FANCI: variants seen among roughly 807,000 people sequenced by gnomAD.
FANCI encodes FA complementation group I.
In FANCI, 156 loss-of-function variants were observed where a neutral mutation model predicts 176.1. The ratio of observed to expected loss-of-function variants is 0.89; its 90% CI spans 0.78 to 1.01. The LOEUF is 1.01. Among genes scored for constraint, FANCI ranks in the 50% least tolerant of loss-of-function variants. The pLI is 0.00. For synonymous variants in FANCI, 613 were observed against 541.7 expected (o/e 1.13, Z -1.83); for missense variants, 1,678 against 1,534.1 (o/e 1.09, Z -1.57).
chr15:89,267,648 T>C (rs1393887451), intron 9 of FANCI, among the ~76,000 whole-genome samples: 8 of 151,944 alleles, frequency 5.3e-5, no homozygotes, highest in Non-Finnish European at 2.9e-5. Context: ...AAGCAGAGTC[T>C]GGGCACAGTG....
chr15:89,266,766 C>G (rs551642787), intron 9 of FANCI, among the ~76,000 whole-genome samples: 37 of 152,296 alleles, frequency 2.4e-4, no homozygotes, highest in Admixed American at 1.6e-3. Context: ...AGCTGCCACA[C>G]CCAGCAGAGA....
chr15:89,301,527 C>G (rs1000493749), intron 27 of FANCI, 85 bp downstream of exon 27: 1 of 946,514 alleles, frequency 1.1e-6, no homozygotes, highest in Admixed American at 1.7e-5. Context: ...TCTAAATGTC[C>G]TCTTGAAATT....
intron 34 of FANCI, among the ~76,000 whole-genome samples, chr15:89,312,665 C>A (rs546501423): frequency 6.6e-6 from 1 of 152,174 alleles, no homozygotes; most frequent in Admixed American, 6.5e-5. Context: ...ACTAAAAATA[C>A]AAAAATTAGC....
intron 3 of FANCI, among the ~76,000 whole-genome samples, chr15:89,260,073 G>A (rs2151241408): frequency 6.6e-6 from 1 of 152,044 alleles, no homozygotes; most frequent in East Asian, 1.9e-4. Context: ...CAATGTGGCT[G>A]GATTAGGATG....
At position 89,307,652 on chromosome 15, in the gene FANCI, T is replaced by G; in HGVS notation, c.3631T>G (p.Ser1211Ala). 6.2e-7 allele frequency: 1 copy of G among 1,614,186 alleles called. No homozygotes were observed. Among genetic ancestry groups the G allele is most frequent in the Non-Finnish European group, 8.5e-7 (1 of 1,180,024 alleles). ...SGSHLTPLCY[S>A]FISYVQNKSK... ...TTCTCATCTGACCCCCCTGTGTTAT[T>G]CTTTCATTTCTTACGTACAGGTAAG... The change falls in exon 34 of 38, where the codon TCT (serine) becomes GCT (alanine). Residue 1211 changes from serine (S) to alanine (A), a missense_variant. This residue lies in a region of FANCI where 1,204 missense variants were observed against 1,077.4 expected (regional missense o/e 1.12). Coordinates refer to ENST00000310775, the MANE Select transcript of FANCI (RefSeq NM_001113378.2).
chr15:89,297,688 C>T (rs894617204), intron 24 of FANCI, among the ~76,000 whole-genome samples: 5 of 146,150 alleles, frequency 3.4e-5, no homozygotes, highest in East Asian at 4.1e-4. Context: ...TGCAGTGAGC[C>T]GAGATGGCAG....
Position 89,281,805 on chromosome 15 carries a change from T to C in FANCI, c.1553T>C (p.Ile518Thr), listed in dbSNP as rs1454777611. 1 of 1,613,946 alleles carries C rather than the reference T, an allele frequency of 6.2e-7. No homozygotes were observed. Among genetic ancestry groups the C allele is most frequent in the Non-Finnish European group, 8.5e-7 (1 of 1,179,916 alleles). The change falls in exon 16 of 38, where the codon ATA (isoleucine) becomes ACA (threonine). Residue 518 changes from isoleucine (I) to threonine (T), a missense_variant. Ile to Thr is a moderately conservative substitution (Grantham distance 89). Transcript: ENST00000310775. ...KVSMSMRDCL[I>T]LVLRKAMFAN... is the part of the protein sequence containing the mutation. ...AGCATGTCAATGAGAGACTGCTTGA[T>C]ACTTGTCCTTCGGAAAGCTATGTTT...
intron 34 of FANCI, among the ~76,000 whole-genome samples, chr15:89,311,558 C>A (rs796837742): frequency 1.3e-5 from 2 of 152,318 alleles, no homozygotes; most frequent in African/African-American, 4.8e-5. Flanking sequence ...TGGTTCACTT[C>A]CCACTTGGTC....
At chr15:89,252,631 T>G (rs2052309253) in intron 2 of FANCI, among the ~76,000 whole-genome samples, 1 of 152,140 alleles carries the variant, frequency 6.6e-6, no homozygotes, top group African/African-American at 2.4e-5. Flanking sequence ...TCTCAGCTAC[T>G]CAGGAGGCTG....
rs572839080 is a variant in FANCI, at chr15:89,298,728, A to G, written c.2637-1072A>G. 1.1e-3 allele frequency among the ~76,000 whole-genome samples: 170 copies of G among 152,322 alleles called. 1 individual carries two copies. Among genetic ancestry groups the G allele is most frequent in the African/African-American group, 4.0e-3 (165 of 41,576 alleles). On this transcript the variant is annotated intron_variant, in intron 24 of 37. Transcript: ENST00000310775. ...GCCAGACTAATCAGGAAAAGAGAAGACACATTACAAATTGCAGAATTGAGG... is the reference window on the plus strand; with the variant it reads ...GCCAGACTAATCAGGAAAAGAGAAGGCACATTACAAATTGCAGAATTGAGG...
At chr15:89,310,271 A>G (rs771050730) in intron 34 of FANCI, among the ~76,000 whole-genome samples, 7 of 152,228 alleles carry the variant, frequency 4.6e-5, no homozygotes, top group African/African-American at 1.4e-4. Flanking sequence ...CTATGTTCCA[A>G]TGAAATTTTC....
rs7495763 is a variant in FANCI at position 89,303,648 on chromosome 15, T to G, written c.3007-216T>G. On this transcript the variant is annotated intron_variant, in intron 27 of 37. Transcript: ENST00000310775. Reference sequence around the variant, plus strand: ...AAACTTTTGGACCTCAGTAAGGACATAGACATTGAGAATTAAATTATATAT... The same window carrying G: ...AAACTTTTGGACCTCAGTAAGGACAGAGACATTGAGAATTAAATTATATAT... Among the ~76,000 whole-genome samples the G allele has an allele frequency of 6.3e-4, 96 of 152,360 alleles. 2 individuals are homozygous for G. Among genetic ancestry groups the G allele is most frequent in the African/African-American group, 2.3e-3 (95 of 41,570 alleles).
intron 34 of FANCI, chr15:89,308,194 G>T: frequency 9.7e-7 from 1 of 1,026,842 alleles, no homozygotes; most frequent in Non-Finnish European, 1.2e-6. Flanking sequence ...CTATTGACAT[G>T]TTGCGCTAGA....
intron 4 of FANCI, among the ~76,000 whole-genome samples, chr15:89,261,122 A>G (rs1183882857): frequency 1.3e-5 from 2 of 152,022 alleles, no homozygotes; most frequent in Non-Finnish European, 2.9e-5. Flanking sequence ...AAGAAAAAAA[A>G]TTAGCCGGGC....
rs144738122 is a variant in FANCI at position 89,285,264 on chromosome 15, AT to A, written c.1821+51del. 6.6e-3 allele frequency: 10,637 copies of A among 1,608,452 alleles called. 577 individuals are homozygous for A. The African/African-American group carries it at 0.12, about 18-fold the overall frequency. On this transcript the variant is annotated intron_variant, in intron 18 of 37. Coordinates refer to ENST00000310775, the MANE Select transcript of FANCI (RefSeq NM_001113378.2). The stretch of plus-strand genomic sequence containing the variant: ...GAATGTAGCAAAACCCCAACTAATA[AT>A]TTTTATTTTAGTAATTTTTTTCCTG...
Position 89,283,161 on chromosome 15 carries a change from G to A in FANCI, c.1609G>A (p.Val537Ile), listed in dbSNP as rs778649598. 3 of 1,614,218 alleles carry A rather than the reference G, an allele frequency of 1.9e-6. No homozygotes were observed. In the South Asian group the frequency reaches 3.3e-5, roughly 18 times the overall value. ...CCAGCTTGATGCCCGAAAATCTGCA[G>A]TTGCTGGGTTTTTGCTGCTCCTGAA... Reference protein sequence around the residue: ...ANQLDARKSAVAGFLLLLKNF... With the variant: ...ANQLDARKSAIAGFLLLLKNF... The change falls in exon 17 of 38, where the codon GTT (valine) becomes ATT (isoleucine). Residue 537 changes from valine (V) to isoleucine (I), a missense_variant. Val to Ile is a conservative substitution (Grantham distance 29). This residue lies in a region of FANCI where 1,204 missense variants were observed against 1,077.4 expected (regional missense o/e 1.12). Transcript: ENST00000310775.
Position 89,261,789 on chromosome 15 carries a change from A to G in FANCI, c.446-32A>G, listed in dbSNP as rs201645787. The stretch of plus-strand genomic sequence containing the variant: ...GGCTTTTTCTCTATGCACATAATCA[A>G]ATTCATTGCTCAGTATATTTTGCAT... On this transcript the variant is annotated intron_variant, in intron 5 of 37. Coordinates refer to ENST00000310775, the MANE Select transcript of FANCI (RefSeq NM_001113378.2). The G allele has an allele frequency of 1.9e-4, 307 of 1,614,134 alleles. No individual in the cohort carries two copies. The Middle Eastern group carries it at 3.1e-3, about 16-fold the overall frequency.
chr15:89,297,304 C>T (rs1169200474), intron 24 of FANCI, among the ~76,000 whole-genome samples: 10 of 151,082 alleles, frequency 6.6e-5, no homozygotes, highest in African/African-American at 2.4e-4. Flanking sequence ...GCGCTCCTCA[C>T]CTCCTAGATG....
chr15:89,314,424 TCTA>T (rs2055116451), intron 35 of FANCI, among the ~76,000 whole-genome samples, 185 bp from the exon 36 acceptor site: 1 of 152,234 alleles, frequency 6.6e-6, no homozygotes, highest in Non-Finnish European at 1.5e-5. Context: ...TGCAATTATC[TCTA>T]CTGGCATTTG....
Sources: gnomAD v4.1 joint callset for allele counts (sites outside exome capture counted in the v4.1 genomes callset) on GRCh38, gnomAD v4.1.1 for gene constraint, gnomAD v4.1.1 regional missense constraint, MANE v1.5 for transcripts, NCBI Gene and HGNC (gene_info 2026-07-23, HGNC 2026-07-21) for gene names.